FRAS1: variants seen among roughly 807,000 people sequenced by gnomAD.
FRAS1 encodes the protein Fraser extracellular matrix complex subunit 1.
In FRAS1, 290 loss-of-function variants were observed where a neutral mutation model predicts 435.2. That is an observed-to-expected ratio of 0.67 (90% CI 0.61 to 0.73). The LOEUF is 0.73. Ranked by LOEUF, FRAS1 falls within the 30% of genes least tolerant of loss-of-function variation. The pLI is 0.00. For synonymous variants in FRAS1, 1,800 were observed against 1,851.0 expected, an observed-to-expected ratio of 0.97 and a Z score of 0.71; for missense variants, 4,860 against 5,001.5, an observed-to-expected ratio of 0.97 and a Z score of 0.85.
intron 2 of FRAS1, among the ~76,000 whole-genome samples, chr4:78,182,896 G>GAA (rs11431345): frequency 4.8e-4 from 66 of 137,700 alleles, no homozygotes; most frequent in Non-Finnish European, 5.6e-4. Context: ...AAGAAAAAAA[G>GAA]AAAAAAAAAA....
intron 2 of FRAS1, among the ~76,000 whole-genome samples, chr4:78,192,270 T>C (rs146409964): frequency 1.4e-4 from 21 of 152,322 alleles, no homozygotes; most frequent in Non-Finnish European, 2.4e-4. Flanking sequence ...TGCCAGGCTT[T>C]AGTATCAGGA....
chr4:78,497,020 A>G (rs1371447971), intron 60 of FRAS1, 59 bp downstream of exon 60: 2 of 1,331,196 alleles, frequency 1.5e-6, no homozygotes, highest in East Asian at 4.7e-5. Context: ...ACTGATGTTT[A>G]ACTAATTATT....
intron 2 of FRAS1, among the ~76,000 whole-genome samples, chr4:78,126,200 A>T (rs1719347795): frequency 6.6e-6 from 1 of 152,094 alleles, no homozygotes; most frequent in African/African-American, 2.4e-5. Flanking sequence ...CATGGGACCC[A>T]CCGAGCCAGG....
chr4:78,472,078 A>G (rs893981573), intron 51 of FRAS1, 102 bp from the exon 52 acceptor site: 9 of 1,201,840 alleles, frequency 7.5e-6, no homozygotes, highest in African/African-American at 3.0e-5. Flanking sequence ...CAGTAAATAC[A>G]CTCAGTAAAT....
rs377433587 is a variant in FRAS1, at chr4:78,372,797, G to A, written c.2949G>A (p.Gln983=). Residue 983 remains glutamine (Q), a synonymous_variant, in exon 24 of 74, where the codon CAG becomes CAA. Transcript: ENST00000512123. ...AGTGCATGGATGGCTATGTTCTCCA[G>A]GATGGGGCCTGCGTGGAGCAGTGCT... is the stretch of plus-strand genomic sequence containing the variant. ...CLQCMDGYVL[Q]DGACVEQCLS... 168 of 1,613,090 alleles carry A rather than the reference G, an allele frequency of 1.0e-4. No homozygotes were observed. The highest frequency in any genetic ancestry group is 1.3e-4 in the Non-Finnish European group (156 of 1,179,720).
intron 41 of FRAS1, chr4:78,444,245 AT>A (rs2109829421): frequency 2.2e-6 from 1 of 445,648 alleles, no homozygotes; most frequent in South Asian, 1.6e-5. Context: ...ATTGGAAGGA[AT>A]TTTAGCCGTT....
chr4:78,221,037 G>A lies in FRAS1; in HGVS notation c.109-16473G>A, dbSNP rs568475383. On this transcript the variant is annotated intron_variant, in intron 2 of 73. Transcript: ENST00000512123. ...ACAAAAATTAGCCAGATGTGGTGGT[G>A]TGCACCTGTAGTCTCAGCTACTTGG... 9.9e-5 allele frequency among the ~76,000 whole-genome samples: 15 copies of A among 152,168 alleles called. No individual in the cohort carries two copies. The South Asian group carries it at 2.7e-3, about 27-fold the overall frequency.
intron 2 of FRAS1, among the ~76,000 whole-genome samples, chr4:78,230,220 TAAAACAAGA>T (rs1724462190): frequency 6.6e-6 from 1 of 152,142 alleles, no homozygotes; most frequent in Non-Finnish European, 1.5e-5. Flanking sequence ...TTTTGATGTG[TAAAACAAGA>T]AACTCCTTAA....
At position 78,513,478 on chromosome 4, in the gene FRAS1, T is replaced by C; in HGVS notation, c.10100T>C (p.Leu3367Pro). ...TMPLHNLHFL[L>P]SESIYRHQHV... The stretch of plus-strand genomic sequence containing the variant: ...CCGTTGCACAACTTACATTTTCTAC[T>C]GTCTGAGTCCATCTACAGACACCAG... Residue 3367 changes from leucine to proline, a missense_variant, in exon 65 of 74, where the codon CTG (leucine) becomes CCG (proline). Coordinates refer to ENST00000512123, the MANE Select transcript of FRAS1 (RefSeq NM_025074.7). 1 of 1,613,964 alleles carries C rather than the reference T, an allele frequency of 6.2e-7. No individual in the cohort carries two copies. Among genetic ancestry groups the C allele is most frequent in the Non-Finnish European group, 8.5e-7 (1 of 1,179,818 alleles).
chr4:78,133,372 G>A (rs1306248054), intron 2 of FRAS1, among the ~76,000 whole-genome samples: 1 of 152,150 alleles, frequency 6.6e-6, no homozygotes, highest in Non-Finnish European at 1.5e-5. Context: ...ACCAGAGGCT[G>A]GGAAGGGTAG....
chr4:78,060,831 T>G (rs79351285), intron 1 of FRAS1, among the ~76,000 whole-genome samples: 1 of 152,164 alleles, frequency 6.6e-6, no homozygotes, highest in Non-Finnish European at 1.5e-5. Context: ...AATTTTCTGG[T>G]TCTAAATTTT....
chr4:78,317,063 G>A (rs1340543592), intron 16 of FRAS1, among the ~76,000 whole-genome samples: 3 of 152,230 alleles, frequency 2.0e-5, no homozygotes, highest in African/African-American at 7.2e-5. Flanking sequence ...TCTATAAAAT[G>A]TAGTTAATAA....
chr4:78,411,533 A>G (rs923573540), intron 31 of FRAS1, among the ~76,000 whole-genome samples: 8 of 152,208 alleles, frequency 5.3e-5, no homozygotes, highest in Admixed American at 2.0e-4. Context: ...ATTAGAAAAT[A>G]GAGCATGGCA....
rs750868291 is a variant in FRAS1 at position 78,419,082 on chromosome 4, G to T, written c.4540+19G>T. Reference sequence around the variant, plus strand: ...AATCAAGGTAAGATGTGCAGTAAATGATCTTTTGAGTGATATTATTATCTT... The same window carrying T: ...AATCAAGGTAAGATGTGCAGTAAATTATCTTTTGAGTGATATTATTATCTT... On this transcript the variant is annotated intron_variant, in intron 33 of 73. Coordinates refer to ENST00000512123, the MANE Select transcript of FRAS1 (RefSeq NM_025074.7). 2.5e-5 allele frequency: 33 copies of T among 1,337,276 alleles called. No homozygotes were observed. Among genetic ancestry groups the T allele is most frequent in the Non-Finnish European group, 3.1e-5 (30 of 965,634 alleles). The allele number at this position is 1,337,276 out of a possible 1,614,324, so 82.8% of individuals were successfully genotyped here.
Position 78,379,784 on chromosome 4 carries a change from A to G in FRAS1, c.3351A>G (p.Ser1117=). The G allele has an allele frequency of 6.2e-7, 1 of 1,613,836 alleles. No individual in the cohort carries two copies. The highest frequency in any genetic ancestry group is 1.3e-5 in the African/African-American group (1 of 75,034). Residue 1117 remains serine (S), a synonymous_variant, in exon 27 of 74, where the codon TCA becomes TCG. Transcript: ENST00000512123. ...GTTCCCTGATCCTCCCAATTGGTTC[A>G]ATAAAGCCACTGGATTTTTCCCTCC... ...VNGSLILPIG[S]IKPLDFSLLN...
chr4:78,464,273 G>A (rs1578339778), intron 48 of FRAS1, 128 bp downstream of exon 48: 2 of 1,388,986 alleles, frequency 1.4e-6, no homozygotes, highest in African/African-American at 1.4e-5. Context: ...AGGGGTAGGG[G>A]CAGCCTCTGT....
intron 19 of FRAS1, among the ~76,000 whole-genome samples, chr4:78,336,028 A>G (rs1730159093): frequency 6.6e-6 from 1 of 152,024 alleles, no homozygotes; most frequent in Non-Finnish European, 1.5e-5. Context: ...AAATTATATT[A>G]CATGAATTTC....
chr4:78,344,507 T>C (rs1730525259), intron 20 of FRAS1, among the ~76,000 whole-genome samples: 1 of 113,056 alleles, frequency 8.8e-6, no homozygotes, highest in African/African-American at 4.1e-5. Flanking sequence ...GAGTCTGGAA[T>C]GTGATTCCAG....
chr4:78,477,306 T>C (rs1719881027), intron 54 of FRAS1, among the ~76,000 whole-genome samples: 3 of 152,206 alleles, frequency 2.0e-5, no homozygotes, highest in African/African-American at 7.2e-5. Context: ...ATACAAGACC[T>C]CCTTTAGTCC....
Sources: allele counts gnomAD v4.1 joint callset (sites outside exome capture counted in the v4.1 genomes callset), GRCh38; gene constraint gnomAD v4.1.1; transcripts MANE v1.5; gene names NCBI Gene and HGNC (gene_info 2026-07-23, HGNC 2026-07-21).